The following NOMO1 variants were observed in gnomAD, a reference collection of about 807,000 sequenced individuals.
NOMO1 encodes the protein NODAL modulator 1, also known as nodal modulator 3.
Under a neutral mutation model 133.8 loss-of-function variants are expected in NOMO1, and 40 were observed. The ratio of observed to expected loss-of-function variants is 0.30; its 90% CI spans 0.23 to 0.39. The LOEUF is 0.39. NOMO1 is among the 10% of genes least tolerant of loss of function. NOMO1 has a pLI of 1.00. For missense variants in NOMO1, 462 were observed against 1,419.9 expected (o/e 0.33, Z 10.84); for synonymous variants, 236 against 570.5 (o/e 0.41, Z 8.36).
chr16:14,856,085 C>G (rs1963829746), intron 9 of NOMO1, among the ~76,000 whole-genome samples: 1 of 152,070 alleles, frequency 6.6e-6, no homozygotes, highest in Non-Finnish European at 1.5e-5. Flanking sequence ...TGCACACATT[C>G]ATTCATTCAG....
At position 14,895,606 on chromosome 16, in the gene NOMO1, A is replaced by G. The variant is rs1471708814; in HGVS notation, c.3630A>G (p.Ala1210=). ...AASDNSGPED[A]KRQAKKQKTR... ...CTGACAATAGCGGCCCAGAAGATGCAAAGAGACAAGCCAAGAAACAGAAGA... is the reference window on the plus strand; with the variant it reads ...CTGACAATAGCGGCCCAGAAGATGCGAAGAGACAAGCCAAGAAACAGAAGA... The change falls in exon 31 of 31, where the codon GCA becomes GCG. Residue 1210 remains alanine, a synonymous_variant. Coordinates refer to ENST00000287667, the MANE Select transcript of NOMO1 (RefSeq NM_014287.4). The G allele has an allele frequency of 6.2e-7, 1 of 1,611,930 alleles. No homozygotes were observed. The highest frequency in any genetic ancestry group is 1.7e-5 in the Admixed American group (1 of 60,008).
At position 14,874,955 on chromosome 16, in the gene NOMO1, A is replaced by G; in HGVS notation, c.2055-81A>G. On this transcript the variant is annotated intron_variant, in intron 18 of 30. Coordinates refer to ENST00000287667, the MANE Select transcript of NOMO1 (RefSeq NM_014287.4). ...ATAAGATGTCCAGTTTGTAACTCGCAAGTCCATACTCGTAGAAAGGTCAAA... is the reference window on the plus strand; with the variant it reads ...ATAAGATGTCCAGTTTGTAACTCGCGAGTCCATACTCGTAGAAAGGTCAAA... 2.6e-6 allele frequency: 4 copies of G among 1,549,572 alleles called. No homozygotes were observed. The South Asian group carries it at 3.5e-5, about 13-fold the overall frequency.
rs571681940 is a variant in NOMO1, at chr16:14,866,817, G to A, written c.1806+126G>A. Reference sequence around the variant, plus strand: ...GATTTCCTTTTCTGCCTCTCCACTCGCCCACCTGTTACGCAACGCATAATC... The same window carrying A: ...GATTTCCTTTTCTGCCTCTCCACTCACCCACCTGTTACGCAACGCATAATC... On this transcript the variant is annotated intron_variant, in intron 15 of 30. Transcript: ENST00000287667. The A allele has an allele frequency of 2.9e-4, 457 of 1,594,696 alleles. 2 individuals carry two copies. Among genetic ancestry groups the A allele is most frequent in the South Asian group, 1.2e-3 (103 of 89,256 alleles).
At chr16:14,845,173 G>A (rs1485841818) in intron 4 of NOMO1, among the ~76,000 whole-genome samples, 1 of 151,758 alleles carries the variant, frequency 6.6e-6, no homozygotes, top group Non-Finnish European at 1.5e-5. Flanking sequence ...GAGTAGCTAG[G>A]ATTACAAGTG....
chr16:14,835,989 A>G (rs1418990543), intron 1 of NOMO1, among the ~76,000 whole-genome samples: 3 of 151,926 alleles, frequency 2.0e-5, no homozygotes, highest in Non-Finnish European at 4.4e-5. Flanking sequence ...GTTCTCTAAC[A>G]GGGACCTTAC....
intron 11 of NOMO1, among the ~76,000 whole-genome samples, chr16:14,860,737 G>C (rs1963912082): frequency 6.6e-6 from 1 of 151,930 alleles, no homozygotes; most frequent in African/African-American, 2.4e-5. Context: ...TAGAGTATTT[G>C]GGTCAAAGAA....
At chr16:14,836,744 G>A (rs986954719) in intron 1 of NOMO1, among the ~76,000 whole-genome samples, 1 of 147,164 alleles carries the variant, frequency 6.8e-6, no homozygotes, top group Non-Finnish European at 1.5e-5. Flanking sequence ...TGTCGCCCAG[G>A]CCGGACTGCA....
At chr16:14,861,879 C>A (rs1300071069) in intron 11 of NOMO1, among the ~76,000 whole-genome samples, 1 of 133,096 alleles carries the variant, frequency 7.5e-6, no homozygotes, top group Admixed American at 7.8e-5. Flanking sequence ...GTGTAAAATT[C>A]TTTTTCTCGG....
At chr16:14,868,744 A>T in intron 16 of NOMO1, 109 bp downstream of exon 16, 1 of 706,124 alleles carries the variant, frequency 1.4e-6, no homozygotes, top group Non-Finnish European at 2.5e-6. Flanking sequence ...TCAAGCTTTC[A>T]ATTTCTGTGT....
intron 1 of NOMO1, among the ~76,000 whole-genome samples, chr16:14,837,135 G>C (rs1228851989): frequency 6.6e-6 from 1 of 151,662 alleles, no homozygotes; most frequent in Non-Finnish European, 1.5e-5. Flanking sequence ...CTCCTGCCTC[G>C]GCCTCCTGAG....
chr16:14,872,090 C>G, intron 17 of NOMO1, 144 bp from the exon 18 acceptor site: 1 of 832,642 alleles, frequency 1.2e-6, no homozygotes. Context: ...AAATACTTCT[C>G]TGGATCTCCA....
chr16:14,892,633 T>A (rs1480240089), intron 29 of NOMO1, among the ~76,000 whole-genome samples: 1 of 148,368 alleles, frequency 6.7e-6, no homozygotes, highest in Non-Finnish European at 1.5e-5. Context: ...AAAAAAGCTA[T>A]GCCTGCTGGG....
rs191339747 is a variant in NOMO1, at chr16:14,891,454, T to C, written c.3444+2239T>C. Among the ~76,000 whole-genome samples the C allele has an allele frequency of 7.9e-5, 12 of 152,238 alleles. No homozygotes were observed. In the East Asian group the frequency reaches 2.3e-3, roughly 29 times the overall value. The stretch of plus-strand genomic sequence containing the variant: ...TATTTCTATGTTAAATGTGTTGATT[T>C]TTTTCTTATTGCTTCTGGATTTTAG... On this transcript the variant is annotated intron_variant, in intron 29 of 30. Coordinates refer to ENST00000287667, the MANE Select transcript of NOMO1 (RefSeq NM_014287.4).
In NOMO1 at chr16:14,882,582, G is replaced by T; in HGVS notation, c.3028-12G>T. The stretch of plus-strand genomic sequence containing the variant: ...CCCTTTCTAGAGAGCTGACTCCTGA[G>T]TTTTTTTGCAGCCGGGATGTGTGTA... On this transcript the variant is annotated splice_polypyrimidine_tract_variant and intron_variant, in intron 25 of 30. Transcript: ENST00000287667. 1.9e-6 allele frequency: 3 copies of T among 1,611,602 alleles called. No homozygotes were observed. The highest frequency in any genetic ancestry group is 1.3e-5 in the African/African-American group (1 of 74,744).
chr16:14,846,931 G>A (rs1159303296), intron 5 of NOMO1, among the ~76,000 whole-genome samples: 2 of 150,720 alleles, frequency 1.3e-5, no homozygotes, highest in African/African-American at 2.4e-5. Context: ...ATTGGCTTGC[G>A]CCTATAATGC....
intron 16 of NOMO1, 120 bp downstream of exon 16, chr16:14,868,755 G>A: frequency 1.5e-6 from 1 of 662,118 alleles, no homozygotes; most frequent in East Asian, 2.6e-5. Context: ...ATTTCTGTGT[G>A]TTCAACCTGC....
Position 14,889,190 on chromosome 16 carries a change from A to G in NOMO1, c.3419A>G (p.His1140Arg). 6.2e-7 allele frequency: 1 copy of G among 1,611,444 alleles called. No homozygotes were observed. The highest frequency in any genetic ancestry group is 8.5e-7 in the Non-Finnish European group (1 of 1,179,748). ...VSFTAVGYHK[H>R]ITLIFNPTRK... ...TTCACCGCAGTGGGCTACCATAAAC[A>G]CATCACCTTGATTTTTAATCCCACG... The change falls in exon 29 of 31, where the codon CAC becomes CGC. Residue 1140 changes from histidine to arginine, a missense_variant. Coordinates refer to ENST00000287667, the MANE Select transcript of NOMO1 (RefSeq NM_014287.4).
intron 1 of NOMO1, among the ~76,000 whole-genome samples, chr16:14,836,694 CTTTTTTTTTTTT>C (rs954619401): frequency 1.5e-5 from 2 of 131,270 alleles, no homozygotes; most frequent in Non-Finnish European, 3.3e-5. Context: ...TTCCATTTTA[CTTTTTTTTTTTT>C]TTTTTTTTTT....
At chr16:14,882,880 A>G (rs1456927161) in intron 26 of NOMO1, among the ~76,000 whole-genome samples, 4 of 152,052 alleles carry the variant, frequency 2.6e-5, no homozygotes, top group African/African-American at 9.7e-5. Flanking sequence ...ATGCATCCAG[A>G]AAGGAAATTG....
Sources: gnomAD v4.1 joint callset for allele counts (sites outside exome capture counted in the v4.1 genomes callset) on GRCh38, gnomAD v4.1.1 for gene constraint, MANE v1.5 for transcripts, NCBI Gene and HGNC (gene_info 2026-07-23, HGNC 2026-07-21) for gene names.